Variants in SH3PXD2A observed in about 807,000 individuals in gnomAD.
SH3PXD2A encodes SH3 and PX domains 2A.
SH3PXD2A carries 32 observed loss-of-function variants against 115.2 expected under a neutral mutation model. That is an observed-to-expected ratio of 0.28 (90% confidence interval 0.21 to 0.37). The LOEUF is 0.37. Among genes scored for constraint, SH3PXD2A ranks in the 10% least tolerant of loss-of-function variants. SH3PXD2A has a pLI of 1.00. For synonymous variants in SH3PXD2A, 610 were observed against 629.1 expected (o/e 0.97, Z 0.45); for missense variants, 1,328 against 1,498.7 (o/e 0.89, Z 1.88).
chr10:103,611,499 C>A, intron 13 of SH3PXD2A, 82 bp downstream of exon 13: 1 of 1,289,272 alleles, frequency 7.8e-7, no homozygotes, highest in Non-Finnish European at 1.1e-6. Flanking sequence ...GAGGCTCTGC[C>A]GCAAGATAGC....
Position 103,855,533 on chromosome 10 carries a change from C to T in SH3PXD2A, c.-267G>A, listed in dbSNP as rs567690338. The T allele has an allele frequency of 1.3e-5, 2 of 151,128 alleles. No individual in the cohort carries two copies. The highest frequency in any genetic ancestry group is 4.1e-4 in the South Asian group (2 of 4,820). The allele number at this position is 151,128 out of a possible 1,614,324, so 9.4% of individuals were successfully genotyped here. On this transcript the variant is annotated 5_prime_UTR_variant, in exon 1 of 15. Transcript: ENST00000369774. ...TCCCGCGCGGCCGCCGCGCTGCGCT[C>T]GCCCGCTCGCTCTCTCCGCCGCCCG...
intron 6 of SH3PXD2A, among the ~76,000 whole-genome samples, chr10:103,680,808 T>A (rs2037598482): frequency 6.6e-6 from 1 of 152,204 alleles, no homozygotes; most frequent in African/African-American, 2.4e-5. Flanking sequence ...AAAAAATATT[T>A]TTTTCTTTCA....
At chr10:103,816,997 A>ATTTTTTTT (rs56260224) in intron 1 of SH3PXD2A, among the ~76,000 whole-genome samples, 4 of 99,594 alleles carry the variant, frequency 4.0e-5, no homozygotes, top group African/African-American at 3.8e-5. Context: ...CACCCGGCTA[A>ATTTTTTTT]TTTTTTTTTT....
rs371300286 is a variant in SH3PXD2A, at chr10:103,596,655, A to T, written c.*5161T>A. The T allele has an allele frequency of 1.4e-4, 8 of 58,606 alleles. No homozygotes were observed. The highest frequency in any genetic ancestry group is 2.2e-3 in the South Asian group (2 of 924). 3.6% of individuals were successfully genotyped at this position (58,606 alleles called of 1,614,324 possible). On this transcript the variant is annotated 3_prime_UTR_variant, in exon 15 of 15. Transcript: ENST00000369774. ...CACAGACACACACACACACACACACACACACACACTCTCTCTCTCTCTCTC... is the reference window on the plus strand; with the variant it reads ...CACAGACACACACACACACACACACTCACACACACTCTCTCTCTCTCTCTC...
chr10:103,779,305 C>T (rs2038910481), intron 2 of SH3PXD2A, among the ~76,000 whole-genome samples: 1 of 152,170 alleles, frequency 6.6e-6, no homozygotes, highest in Non-Finnish European at 1.5e-5. Flanking sequence ...TGACCTCAAG[C>T]GATCCACCCG....
intron 8 of SH3PXD2A, among the ~76,000 whole-genome samples, chr10:103,653,030 C>T (rs2037152953): frequency 6.6e-6 from 1 of 152,226 alleles, no homozygotes; most frequent in African/African-American, 2.4e-5. Flanking sequence ...TTAACAACAC[C>T]TCAGTGGTGT....
chr10:103,715,850 A>T (rs993498668), intron 5 of SH3PXD2A, among the ~76,000 whole-genome samples: 6 of 152,016 alleles, frequency 3.9e-5, no homozygotes, highest in African/African-American at 1.4e-4. Flanking sequence ...CACACACACC[A>T]CCTTGCCCCT....
chr10:103,766,255 A>G (rs2134223468), intron 3 of SH3PXD2A, among the ~76,000 whole-genome samples: 1 of 152,330 alleles, frequency 6.6e-6, no homozygotes, highest in African/African-American at 2.4e-5. Context: ...TGACCTGTGC[A>G]GGTCCAGGGC....
intron 7 of SH3PXD2A, among the ~76,000 whole-genome samples, chr10:103,664,612 G>A (rs1266759066): frequency 6.6e-6 from 1 of 152,008 alleles, no homozygotes; most frequent in Non-Finnish European, 1.5e-5. Flanking sequence ...TTACATCCCA[G>A]GTACCTGGGA....
intron 4 of SH3PXD2A, among the ~76,000 whole-genome samples, chr10:103,731,920 C>T (rs2038324214): frequency 6.6e-6 from 1 of 152,204 alleles, no homozygotes; most frequent in South Asian, 2.1e-4. Context: ...TGGGCTCAGA[C>T]TTCCTGCCCT....
At chr10:103,619,088 G>A (rs1315635508) in intron 10 of SH3PXD2A, among the ~76,000 whole-genome samples, 3 of 152,222 alleles carry the variant, frequency 2.0e-5, no homozygotes, top group Non-Finnish European at 2.9e-5. Context: ...TTTTCAGTAC[G>A]CCCTTCTCTG....
At chr10:103,780,579 C>T (rs745655053) in intron 2 of SH3PXD2A, among the ~76,000 whole-genome samples, 11 of 152,154 alleles carry the variant, frequency 7.2e-5, no homozygotes, top group Non-Finnish European at 1.6e-4. Flanking sequence ...GCAATGAAAG[C>T]ATCCTTGAAG....
At chr10:103,701,503 TCATCCATCCATCCATCATC>T (rs2037904303) in intron 5 of SH3PXD2A, among the ~76,000 whole-genome samples, 1 of 102,360 alleles carries the variant, frequency 9.8e-6, no homozygotes, top group East Asian at 3.5e-4. Context: ...ATCCATCCAT[TCATCCATCCATCCATCATC>T]CATCCATCCA....
intron 2 of SH3PXD2A, among the ~76,000 whole-genome samples, chr10:103,773,879 C>T (rs1227745689): frequency 6.6e-6 from 1 of 152,176 alleles, no homozygotes; most frequent in Non-Finnish European, 1.5e-5. Context: ...GCTGGGATTA[C>T]AGGTGTGCAC....
In SH3PXD2A at chr10:103,704,844, C is replaced by T. The variant is rs77674799; in HGVS notation, c.399-11788G>A. Among the ~76,000 whole-genome samples, 101 of 152,142 alleles carry T rather than the reference C, an allele frequency of 6.6e-4. 1 individual carries two copies. In the East Asian group the frequency reaches 0.016, roughly 25 times the overall value. ...CAGGGCCATCCCAGCCTGTGAGGCC[C>T]GAGACATGGGTTCCAGGCCTGGCTG... On this transcript the variant is annotated intron_variant, in intron 5 of 14. Coordinates refer to ENST00000369774, the MANE Select transcript of SH3PXD2A (RefSeq NM_001394015.1).
intron 5 of SH3PXD2A, among the ~76,000 whole-genome samples, chr10:103,702,674 G>A (rs991717193): frequency 2.0e-5 from 3 of 151,724 alleles, no homozygotes; most frequent in African/African-American, 7.3e-5. Context: ...AGGCAGCTGG[G>A]GCTGGACTGA....
chr10:103,658,462 A>C (rs2037243221), intron 8 of SH3PXD2A, among the ~76,000 whole-genome samples: 1 of 152,156 alleles, frequency 6.6e-6, no homozygotes, highest in Non-Finnish European at 1.5e-5. Flanking sequence ...AGGTTGCACA[A>C]GACGCCTCCT....
chr10:103,615,938 C>T (rs2036511698), intron 11 of SH3PXD2A, among the ~76,000 whole-genome samples: 1 of 150,964 alleles, frequency 6.6e-6, no homozygotes, highest in African/African-American at 2.4e-5. Context: ...GGACAATACA[C>T]ATCCAGATGC....
chr10:103,626,129 G>A (rs1295362851), intron 9 of SH3PXD2A, among the ~76,000 whole-genome samples: 1 of 152,258 alleles, frequency 6.6e-6, no homozygotes, highest in African/African-American at 2.4e-5. Context: ...GGAAGCACAT[G>A]GCAGGGGCCG....
Sources: gnomAD v4.1 joint callset for allele counts (sites outside exome capture counted in the v4.1 genomes callset) on GRCh38, gnomAD v4.1.1 for gene constraint, MANE v1.5 for transcripts, NCBI Gene and HGNC (gene_info 2026-07-23, HGNC 2026-07-21) for gene names.